GPC6: variants seen among roughly 807,000 people sequenced by gnomAD.
The protein encoded by GPC6 is glypican 6, also known as glypican-6.
A neutral mutation model predicts 55.2 loss-of-function variants in GPC6; 14 were observed. That is an observed-to-expected ratio of 0.25 (90% CI 0.17 to 0.40). The LOEUF (loss-of-function observed/expected upper bound fraction) is 0.40. Ranked by LOEUF, GPC6 falls within the 10% of genes least tolerant of loss-of-function variation. The pLI, the probability that GPC6 is intolerant of heterozygous loss-of-function variation, is 1.00. For synonymous variants in GPC6, 278 were observed against 259.6 expected, an observed-to-expected ratio of 1.07 and a Z score of -0.68; for missense variants, 641 against 708.5, an observed-to-expected ratio of 0.90 and a Z score of 1.08.
intron 3 of GPC6, among the ~76,000 whole-genome samples, chr13:93,951,043 T>G (rs2140372661): frequency 6.6e-6 from 1 of 152,234 alleles, no homozygotes; most frequent in South Asian, 2.1e-4. Flanking sequence ...AACAAAAAAT[T>G]TCACAAATAA....
rs1258461970 is a variant in GPC6 at position 93,539,766 on chromosome 13, A to G, written c.161-5497A>G. On this transcript the variant is annotated intron_variant, in intron 1 of 8. Coordinates refer to ENST00000377047, the MANE Select transcript of GPC6 (RefSeq NM_005708.5). ...GAGTGCAATGACGTGACCTCAGCTC[A>G]CTGCAGCCTCAGCCTCCCAGGTTGA... Among the ~76,000 whole-genome samples, 4 of 149,780 alleles carry G rather than the reference A, an allele frequency of 2.7e-5. No homozygotes were observed. In the Admixed American group the frequency reaches 2.7e-4, roughly 10 times the overall value.
intron 1 of GPC6, among the ~76,000 whole-genome samples, chr13:93,402,444 G>A (rs1876128061): frequency 6.6e-6 from 1 of 152,028 alleles, no homozygotes; most frequent in Non-Finnish European, 1.5e-5. Flanking sequence ...GCAGGCCCCT[G>A]GATAAGATGC....
intron 3 of GPC6, among the ~76,000 whole-genome samples, chr13:93,855,220 T>G (rs1888557884): frequency 6.6e-6 from 1 of 151,690 alleles, no homozygotes; most frequent in South Asian, 2.1e-4. Context: ...TAACTGATAT[T>G]TGTATTGTCT....
intron 1 of GPC6, among the ~76,000 whole-genome samples, chr13:93,377,630 T>C (rs1039346168): frequency 1.3e-5 from 2 of 152,216 alleles, no homozygotes; most frequent in Admixed American, 6.5e-5. Context: ...GAAAATTCTT[T>C]TGTTAATGCT....
chr13:94,320,720 T>C (rs1876778188), intron 6 of GPC6, among the ~76,000 whole-genome samples: 1 of 152,218 alleles, frequency 6.6e-6, no homozygotes. Context: ...CTTAGTACTC[T>C]TGTTTTCTTT....
chr13:93,270,244 T>C (rs1436844170), intron 1 of GPC6, among the ~76,000 whole-genome samples: 1 of 121,864 alleles, frequency 8.2e-6, no homozygotes, highest in Admixed American at 8.6e-5. Context: ...AGTGAGACCT[T>C]TTCTCCTTAA....
At chr13:93,221,271 A>G in the GPC6 span, among the ~76,000 whole-genome samples, 2 of 152,332 alleles carry the variant, frequency 1.3e-5, no homozygotes, top group East Asian at 3.9e-4. Flanking sequence ...TATATGGAAT[A>G]TTTTTATTGT....
rs35858695 is a variant in GPC6 at position 93,930,275 on chromosome 13, G to GTTTTTTTTTTTTTTTTTTTTTTTTTTT, written c.712-97441_712-97440insTTTTTTTTTTTTTTTTTTTTTTTTTTT. Among the ~76,000 whole-genome samples the GTTTTTTTTTTTTTTTTTTTTTTTTTTT allele has an allele frequency of 8.1e-5, 10 of 123,850 alleles. 1 individual carries two copies. Among genetic ancestry groups the GTTTTTTTTTTTTTTTTTTTTTTTTTTT allele is most frequent in the African/African-American group, 3.2e-4 (10 of 31,302 alleles). The allele number at this position is 123,850 out of a possible 152,430, so 81.3% of individuals were successfully genotyped here. On this transcript the variant is annotated intron_variant, in intron 3 of 8. Coordinates refer to ENST00000377047, the MANE Select transcript of GPC6 (RefSeq NM_005708.5). ...TTTTAAAGGTTATTGGAAACGAAAG[G>GTTTTTTTTTTTTTTTTTTTTTTTTTTT]TTTTTTTTTTTTTGTAGACAGAGTC...
At chr13:94,033,667 C>G (rs1489794324) in intron 4 of GPC6, among the ~76,000 whole-genome samples, 1 of 152,110 alleles carries the variant, frequency 6.6e-6, no homozygotes, top group East Asian at 1.9e-4. Flanking sequence ...ATAATTCTGA[C>G]AAGAAACTCT....
intron 6 of GPC6, among the ~76,000 whole-genome samples, chr13:94,376,840 A>G (rs1354082269): frequency 6.6e-6 from 1 of 151,282 alleles, no homozygotes; most frequent in Non-Finnish European, 1.5e-5. Context: ...TGGTACTGGT[A>G]CCAAAACAGA....
chr13:94,193,860 G>C (rs1463119597), intron 4 of GPC6, among the ~76,000 whole-genome samples: 1 of 152,176 alleles, frequency 6.6e-6, no homozygotes, highest in East Asian at 1.9e-4. Context: ...TAGTGAGGTT[G>C]AGCTTTTGGC....
intron 1 of GPC6, among the ~76,000 whole-genome samples, chr13:93,366,143 C>T (rs974038928): frequency 7.9e-5 from 12 of 151,970 alleles, no homozygotes; most frequent in African/African-American, 2.9e-4. Flanking sequence ...ATTATGCTCT[C>T]TTTATATATC....
At chr13:93,885,393 G>A (rs1875261253) in intron 3 of GPC6, among the ~76,000 whole-genome samples, 1 of 149,762 alleles carries the variant, frequency 6.7e-6, no homozygotes, top group African/African-American at 2.5e-5. Context: ...GAACAGAGAG[G>A]ACCAGAAAGA....
chr13:93,343,310 T>C (rs1880323303), intron 1 of GPC6, among the ~76,000 whole-genome samples: 1 of 152,246 alleles, frequency 6.6e-6, no homozygotes, highest in African/African-American at 2.4e-5. Flanking sequence ...ATTGGCTGAG[T>C]CCCATACGTT....
intron 1 of GPC6, among the ~76,000 whole-genome samples, chr13:93,500,325 A>G (rs2590508): frequency 0.98 from 148,715 of 152,224 alleles, 72,737 homozygotes; most frequent in East Asian, 1. Context: ...TTGAAAAGAG[A>G]GTGTAGAGAC....
At chr13:94,386,372 A>AC (rs1166383854) in intron 7 of GPC6, among the ~76,000 whole-genome samples, 1 of 151,010 alleles carries the variant, frequency 6.6e-6, no homozygotes, top group African/African-American at 2.4e-5. Flanking sequence ...AAAAAAAAAA[A>AC]GAAAAGAAAA....
At position 94,074,677 on chromosome 13, in the gene GPC6, A is replaced by G. The variant is rs996659120; in HGVS notation, c.877+46783A>G. ...ACCTGGCTTTCAGCACCTCAACACC[A>G]GCTGCCTCCCTAATATTTTGGAAGC... On this transcript the variant is annotated intron_variant, in intron 4 of 8. Transcript: ENST00000377047. 2.0e-5 allele frequency among the ~76,000 whole-genome samples: 3 copies of G among 152,224 alleles called. No individual in the cohort carries two copies. In the East Asian group the frequency reaches 5.8e-4, roughly 29 times the overall value.
intron 3 of GPC6, among the ~76,000 whole-genome samples, chr13:93,943,001 T>G (rs1878810085): frequency 6.6e-6 from 1 of 152,066 alleles, no homozygotes; most frequent in Non-Finnish European, 1.5e-5. Context: ...GCATATGGCC[T>G]CTATGAGATG....
At chr13:93,219,622 AT>A in the GPC6 span, among the ~76,000 whole-genome samples, 1 of 152,212 alleles carries the variant, frequency 6.6e-6, no homozygotes, top group Non-Finnish European at 1.5e-5. Flanking sequence ...GTAATTTACA[AT>A]AATATTGAAT....
Sources: gnomAD v4.1 joint callset for allele counts (sites outside exome capture counted in the v4.1 genomes callset) on GRCh38, gnomAD v4.1.1 for gene constraint, MANE v1.5 for transcripts, NCBI Gene and HGNC (gene_info 2026-07-23, HGNC 2026-07-21) for gene names.